Variants in TNNI3K observed in about 807,000 individuals in gnomAD.
TNNI3K encodes serine/threonine-protein kinase TNNI3K.
A neutral mutation model predicts 114.5 loss-of-function variants in TNNI3K; 140 were observed. The observed-to-expected ratio is 1.22, with a 90% CI of 1.07 to 1.41. The LOEUF is 1.41. Ranked by LOEUF, TNNI3K falls within the 40% of genes most tolerant of loss-of-function variation. The pLI is 0.00. For missense variants in TNNI3K, 1,125 were observed against 1,007.6 expected, an observed-to-expected ratio of 1.12 and a Z score of -1.58; for synonymous variants, 347 against 347.5, an observed-to-expected ratio of 1.00 and a Z score of 0.02.
intron 21 of TNNI3K, among the ~76,000 whole-genome samples, chr1:74,465,481 T>G (rs1322122647): frequency 2.0e-5 from 3 of 152,148 alleles, no homozygotes; most frequent in Non-Finnish European, 4.4e-5. Context: ...TCACCAGGCC[T>G]CAGCTGCCTC....
intron 22 of TNNI3K, 134 bp from the exon 23 acceptor site, chr1:74,491,963 G>T (rs1669098744): frequency 5.3e-6 from 7 of 1,313,440 alleles, no homozygotes; most frequent in Non-Finnish European, 4.0e-6. Flanking sequence ...GAAAGGAAAA[G>T]CCAGGAGCAA....
intron 5 of TNNI3K, among the ~76,000 whole-genome samples, chr1:74,323,648 G>GTT (rs1486036884): frequency 6.6e-6 from 1 of 152,146 alleles, no homozygotes; most frequent in Non-Finnish European, 1.5e-5. Flanking sequence ...ACGTGTGTGT[G>GTT]TGTGTTTGTG....
intron 11 of TNNI3K, among the ~76,000 whole-genome samples, chr1:74,363,327 G>A (rs1272842318): frequency 6.6e-6 from 1 of 152,018 alleles, no homozygotes; most frequent in Admixed American, 6.6e-5. Context: ...GTTAGCATGA[G>A]GGGGGAAATC....
At position 74,242,700 on chromosome 1, in the gene TNNI3K, C is replaced by A. The variant is rs534365467; in HGVS notation, c.149+6490C>A. On this transcript the variant is annotated intron_variant, in intron 2 of 24. Coordinates refer to ENST00000326637, the MANE Select transcript of TNNI3K (RefSeq NM_015978.3). ...TCAACAACAAAAAAAACCCTCAAAT[C>A]CAAAAGGAAACAAAGAATTCATAAT... 1.6e-3 allele frequency among the ~76,000 whole-genome samples: 239 copies of A among 152,262 alleles called. 1 individual carries two copies. Among genetic ancestry groups the A allele is most frequent in the African/African-American group, 5.6e-3 (233 of 41,530 alleles).
chr1:74,317,570 A>G (rs553231392), intron 5 of TNNI3K, among the ~76,000 whole-genome samples: 1 of 152,310 alleles, frequency 6.6e-6, no homozygotes, highest in South Asian at 2.1e-4. Context: ...TATGTCAGGA[A>G]CTGAGTTAGG....
intron 2 of TNNI3K, 67 bp from the exon 3 acceptor site, chr1:74,249,392 A>C: frequency 6.7e-7 from 1 of 1,502,952 alleles, no homozygotes; most frequent in South Asian, 1.3e-5. Context: ...TGCATTTATA[A>C]TTTTCAAATG....
intron 21 of TNNI3K, chr1:74,472,256 CCAAA>C: frequency 1.4e-6 from 1 of 707,500 alleles, no homozygotes; most frequent in Non-Finnish European, 2.6e-6. Context: ...ATTACCCCAA[CCAAA>C]CAGATGCGTA....
In TNNI3K at chr1:74,322,463, T is replaced by C. The variant is rs556403658; in HGVS notation, c.445-8987T>C. On this transcript the variant is annotated intron_variant, in intron 5 of 24. Transcript: ENST00000326637. ...GTTGTCATTCTGACTAATTCTACCTTTTTTTTTTTTTTTTTGTCATGGAGT... is the reference window on the plus strand; with the variant it reads ...GTTGTCATTCTGACTAATTCTACCTCTTTTTTTTTTTTTTTGTCATGGAGT... Among the ~76,000 whole-genome samples, 723 of 138,142 alleles carry C rather than the reference T, an allele frequency of 5.2e-3. 3 individuals are homozygous for C. The highest frequency in any genetic ancestry group is 8.1e-3 in the Non-Finnish European group (528 of 65,356). The allele number at this position is 138,142 out of a possible 152,430, so 90.6% of individuals were successfully genotyped here.
At position 74,236,154 on chromosome 1, in the gene TNNI3K, A is replaced by G; in HGVS notation, c.93A>G (p.Leu31=). Residue 31 remains leucine (L), a synonymous_variant, in exon 2 of 25, where the codon TTA becomes TTG. Transcript: ENST00000326637. ...CATATGTTATCACAATAGAAAGATT[A>G]GAAGATGACCTGCAGATCAAGGAAA... ...SESYVITIER[L]EDDLQIKEKE... 6.2e-6 allele frequency: 10 copies of G among 1,608,784 alleles called. No individual in the cohort carries two copies. The highest frequency in any genetic ancestry group is 8.5e-6 in the Non-Finnish European group (10 of 1,176,298).
chr1:74,412,820 G>A (rs368092068), intron 17 of TNNI3K, among the ~76,000 whole-genome samples: 1 of 152,064 alleles, frequency 6.6e-6, no homozygotes, highest in East Asian at 1.9e-4. Flanking sequence ...CACCATGCTA[G>A]CCAGGCTGGC....
chr1:74,380,439 G>C (rs780337207), intron 17 of TNNI3K, among the ~76,000 whole-genome samples: 3 of 152,120 alleles, frequency 2.0e-5, no homozygotes, highest in Non-Finnish European at 4.4e-5. Context: ...AATGCTCAAA[G>C]CTAGCGTGGT....
At chr1:74,420,548 A>C (rs187545880) in intron 17 of TNNI3K, among the ~76,000 whole-genome samples, 1 of 152,102 alleles carries the variant, frequency 6.6e-6, no homozygotes. Context: ...TTAAATACCA[A>C]CATACATCTC....
At chr1:74,421,518 A>T (rs1385850031) in intron 17 of TNNI3K, among the ~76,000 whole-genome samples, 1 of 152,152 alleles carries the variant, frequency 6.6e-6, no homozygotes, top group Non-Finnish European at 1.5e-5. Flanking sequence ...AAAGCTATTT[A>T]TTGGTAGAGC....
At chr1:74,539,660 A>G (rs560728509) in intron 23 of TNNI3K, among the ~76,000 whole-genome samples, 7 of 152,250 alleles carry the variant, frequency 4.6e-5, no homozygotes, top group African/African-American at 1.7e-4. Flanking sequence ...TGAATCCTGG[A>G]TGAGCTGTTA....
chr1:74,452,561 C>T (rs1667072028), intron 20 of TNNI3K, among the ~76,000 whole-genome samples: 1 of 152,178 alleles, frequency 6.6e-6, no homozygotes, highest in African/African-American at 2.4e-5. Context: ...CCTTATTTCA[C>T]ATGTCAAATA....
At chr1:74,266,754 G>A (rs974858427) in intron 4 of TNNI3K, among the ~76,000 whole-genome samples, 1 of 151,906 alleles carries the variant, frequency 6.6e-6, no homozygotes, top group Non-Finnish European at 1.5e-5. Context: ...TAATCACAGA[G>A]CTAACAATAA....
At chr1:74,251,607 C>A (rs1297869012) in intron 4 of TNNI3K, among the ~76,000 whole-genome samples, 3 of 152,038 alleles carry the variant, frequency 2.0e-5, no homozygotes, top group Non-Finnish European at 4.4e-5. Flanking sequence ...TTGTATATTG[C>A]GTATTTTGTT....
intron 4 of TNNI3K, among the ~76,000 whole-genome samples, chr1:74,259,584 C>G (rs1482475142): frequency 6.6e-6 from 1 of 152,062 alleles, no homozygotes; most frequent in Non-Finnish European, 1.5e-5. Flanking sequence ...GAGTTTGAAA[C>G]TAACAGGGTG....
At chr1:74,386,318 A>G (rs1663476542) in intron 17 of TNNI3K, among the ~76,000 whole-genome samples, 1 of 152,060 alleles carries the variant, frequency 6.6e-6, no homozygotes, top group Admixed American at 6.6e-5. Flanking sequence ...ACTGGCAGAT[A>G]TAACATCTGA....
Sources: allele counts gnomAD v4.1 joint callset (sites outside exome capture counted in the v4.1 genomes callset), GRCh38; gene constraint gnomAD v4.1.1; transcripts MANE v1.5; gene names NCBI Gene and HGNC (gene_info 2026-07-23, HGNC 2026-07-21).